CPT1A: variants seen among roughly 807,000 people sequenced by gnomAD.
CPT1A encodes carnitine O-palmitoyltransferase 1, liver isoform.
In CPT1A, 64 loss-of-function variants were observed where a neutral mutation model predicts 100.8. That is an observed-to-expected ratio of 0.63 (90% CI 0.52 to 0.78). The LOEUF is 0.78. Ranked by LOEUF, CPT1A falls within the 30% of genes least tolerant of loss-of-function variation. The pLI is 0.00. For synonymous variants in CPT1A, 363 were observed against 396.0 expected, an observed-to-expected ratio of 0.92 and a Z score of 0.99; for missense variants, 802 against 1,034.1, an observed-to-expected ratio of 0.78 and a Z score of 3.08.
Position 68,814,405 on chromosome 11 carries a change from C to T in CPT1A, c.141+929G>A, listed in dbSNP as rs373812002. On this transcript the variant is annotated intron_variant, in intron 2 of 18. Transcript: ENST00000265641. ...CACTGCAAGCTCCGCCTCCCGGGTT[C>T]GTGCCATTCTCCTGCCTCAGCCTCC... Among the ~76,000 whole-genome samples the T allele has an allele frequency of 3.3e-5, 5 of 151,970 alleles. No homozygotes were observed. The South Asian group carries it at 6.2e-4, about 19-fold the overall frequency.
intron 6 of CPT1A, among the ~76,000 whole-genome samples, chr11:68,797,542 T>G (rs1855785835): frequency 6.6e-6 from 1 of 151,940 alleles, no homozygotes; most frequent in South Asian, 2.1e-4. Context: ...GTGTGGTGGC[T>G]CACGCCTGTA....
intron 10 of CPT1A, among the ~76,000 whole-genome samples, chr11:68,784,309 C>T (rs1259466026): frequency 1.3e-5 from 2 of 152,150 alleles, no homozygotes; most frequent in Non-Finnish European, 2.9e-5. Context: ...GCCTGTAATC[C>T]CAGAACTTTG....
At chr11:68,843,392 TA>T (rs919957522), upstream of CPT1A, among the ~76,000 whole-genome samples, 2 of 138,396 alleles carry the variant, frequency 1.4e-5, no homozygotes, top group African/African-American at 5.3e-5. The surrounding 1 kb of genome is among the most constrained non-coding windows in gnomAD (Gnocchi z 4.0). Flanking sequence ...CAGGTATAAA[TA>T]AAAGCTGCGT....
chr11:68,778,785 A>G lies in CPT1A; in HGVS notation c.1458+1855T>C, dbSNP rs533101498. On this transcript the variant is annotated intron_variant, in intron 12 of 18. Coordinates refer to ENST00000265641, the MANE Select transcript of CPT1A (RefSeq NM_001876.4). ...TGATGTCTTCACAAGTTTACTACTA[A>G]TTTCTTTCTTTTTTTTTTGAGATGG... is the stretch of plus-strand genomic sequence containing the variant. Among the ~76,000 whole-genome samples the G allele has an allele frequency of 1.7e-4, 26 of 151,958 alleles. No individual in the cohort carries two copies. The South Asian group carries it at 5.4e-3, about 32-fold the overall frequency.
chr11:68,766,679 G>T (rs1393265829), intron 14 of CPT1A, among the ~76,000 whole-genome samples: 1 of 151,488 alleles, frequency 6.6e-6, no homozygotes. Context: ...GTAGAGGCAG[G>T]GTTTCACCAT....
chr11:68,802,785 T>C (rs1855938737), intron 5 of CPT1A, among the ~76,000 whole-genome samples: 2 of 149,042 alleles, frequency 1.3e-5, no homozygotes, highest in South Asian at 2.1e-4. Flanking sequence ...TAGTCCCAGC[T>C]ACTCAGGAGG....
At chr11:68,816,190 G>A (rs1057347982) in intron 1 of CPT1A, among the ~76,000 whole-genome samples, 12 of 152,210 alleles carry the variant, frequency 7.9e-5, no homozygotes, top group Non-Finnish European at 8.8e-5. Context: ...AGGAGCCCAC[G>A]ACAGCCCTAG....
intron 2 of CPT1A, 83 bp from the exon 3 acceptor site, chr11:68,812,659 C>T (rs1856251758): frequency 1.9e-6 from 3 of 1,543,460 alleles, no homozygotes; most frequent in East Asian, 2.3e-5. Flanking sequence ...GGCAGCAGGG[C>T]TGCTGGGACA....
chr11:68,783,117 G>T (rs1462376615), intron 10 of CPT1A, among the ~76,000 whole-genome samples: 1 of 152,082 alleles, frequency 6.6e-6, no homozygotes, highest in African/African-American at 2.4e-5. Context: ...AACAACGCCG[G>T]CTTGCCCGCA....
chr11:68,821,337 G>C (rs1856577010), intron 1 of CPT1A, among the ~76,000 whole-genome samples: 1 of 152,202 alleles, frequency 6.6e-6, no homozygotes, highest in Admixed American at 6.5e-5. Flanking sequence ...ATTTTTAGTA[G>C]AGACAGGGTT....
downstream of CPT1A, chr11:68,754,677 G>T (rs1431320312): frequency 5.8e-6 from 4 of 688,268 alleles, no homozygotes; most frequent in Non-Finnish European, 1.1e-5. Flanking sequence ...TCTCAGCATT[G>T]AGGCAATGGA....
At chr11:68,772,499 C>A (rs1855018045) in intron 14 of CPT1A, among the ~76,000 whole-genome samples, 1 of 63,788 alleles carries the variant, frequency 1.6e-5, no homozygotes, top group Non-Finnish European at 4.4e-5. Context: ...CAGGCTGCTC[C>A]TCCAACAGGG....
chr11:68,775,990 T>A (rs1045735696), intron 12 of CPT1A, among the ~76,000 whole-genome samples: 1 of 152,214 alleles, frequency 6.6e-6, no homozygotes, highest in African/African-American at 2.4e-5. Flanking sequence ...CATCAACTGA[T>A]GAAGAGATAA....
chr11:68,799,322 C>G lies in CPT1A; in HGVS notation c.589G>C (p.Glu197Gln), dbSNP rs1211665230. ...LQSVRPLMKE[E>Q]DFKRMTALAQ... Reference sequence around the variant, plus strand: ...AGTGCTGTCATCCGTTTGAAGTCTTCTTCCTTCATAAGAGGCCTCACCGAC... The same window carrying G: ...AGTGCTGTCATCCGTTTGAAGTCTTGTTCCTTCATAAGAGGCCTCACCGAC... Residue 197 changes from glutamate to glutamine, a missense_variant, in exon 6 of 19, where the codon GAA becomes CAA. Glu to Gln is a conservative substitution (Grantham distance 29, BLOSUM62 2). This residue lies in a region of CPT1A where 627 missense variants were observed against 799.3 expected (regional missense o/e 0.78). Transcript: ENST00000265641. 6.2e-7 allele frequency: 1 copy of G among 1,613,998 alleles called. No individual in the cohort carries two copies. The highest frequency in any genetic ancestry group is 2.2e-5 in the East Asian group (1 of 44,876).
intron 14 of CPT1A, among the ~76,000 whole-genome samples, chr11:68,764,188 C>T (rs1226858631): frequency 6.6e-6 from 1 of 152,194 alleles, no homozygotes; most frequent in Non-Finnish European, 1.5e-5. Context: ...GTGGGAGGAA[C>T]AGCATCTGCG....
rs1159341156 is a variant in CPT1A, at chr11:68,773,313, C to T, written c.1692G>A (p.Thr564=). Residue 564 remains threonine, a synonymous_variant, in exon 14 of 19, where the codon ACG becomes ACA. Transcript: ENST00000265641. The part of the protein sequence containing the change: ...FGKGIIKKCR[T]SPDAFVQLAL... ...CCAGCTGCACAAAGGCGTCTGGGCT[C>T]GTGCGACATTTCTTGATGATTCCTT... is the stretch of plus-strand genomic sequence containing the variant. The T allele has an allele frequency of 7.4e-6, 12 of 1,614,030 alleles. No individual in the cohort carries two copies. In the East Asian group the frequency reaches 8.9e-5, roughly 12 times the overall value.
chr11:68,768,234 C>T (rs763390238), intron 14 of CPT1A, among the ~76,000 whole-genome samples: 8 of 149,634 alleles, frequency 5.3e-5, no homozygotes, highest in Non-Finnish European at 1.2e-4. Flanking sequence ...CGCCACCGCG[C>T]CCGGCTAATT....
rs751805997 is a variant in CPT1A, at chr11:68,807,433, C to T, written c.453+34G>A. On this transcript the variant is annotated intron_variant, in intron 4 of 18. Transcript: ENST00000265641. ...CCTTCTTCCCAAAGCCCAAACTGTC[C>T]ACCCCCTCCACAGCCAGAGGGACAC... 1.9e-6 allele frequency: 3 copies of T among 1,604,770 alleles called. No individual in the cohort carries two copies. The Admixed American group carries it at 5.1e-5, about 27-fold the overall frequency.
chr11:68,824,269 G>GA (rs1321090583), intron 1 of CPT1A, among the ~76,000 whole-genome samples: 68 of 148,046 alleles, frequency 4.6e-4, no homozygotes, highest in African/African-American at 1.6e-3. Flanking sequence ...AAAAAAAAGA[G>GA]AAAAAAGATG....
Sources: gnomAD v4.1 joint callset for allele counts (sites outside exome capture counted in the v4.1 genomes callset) on GRCh38, gnomAD v4.1.1 for gene constraint, gnomAD v4.1.1 regional missense constraint, Gnocchi (gnomAD v3.1) non-coding constraint, MANE v1.5 for transcripts, NCBI Gene and HGNC (gene_info 2026-07-23, HGNC 2026-07-21) for gene names.